The following TBC1D9 variants were observed in gnomAD, a reference collection of about 807,000 sequenced individuals.
TBC1D9 encodes TBC1 domain family member 9A.
A neutral mutation model predicts 132.0 loss-of-function variants in TBC1D9; 63 were observed. The ratio of observed to expected loss-of-function variants is 0.48; its 90% CI spans 0.39 to 0.59. TBC1D9 has a LOEUF of 0.59. Ranked by LOEUF, TBC1D9 falls within the 20% of genes least tolerant of loss-of-function variation. TBC1D9 has a pLI of 0.00. For synonymous variants in TBC1D9, 610 were observed against 609.9 expected (o/e 1.00, Z 0.00); for missense variants, 1,261 against 1,592.7 (o/e 0.79, Z 3.54).
intron 1 of TBC1D9, among the ~76,000 whole-genome samples, chr4:140,717,829 C>T (rs1002479414): frequency 4.6e-5 from 7 of 152,208 alleles, no homozygotes; most frequent in African/African-American, 1.7e-4. Context: ...CCATGGTATC[C>T]CCAGGAGCCC....
Position 140,669,748 on chromosome 4 carries a change from A to C in TBC1D9, c.1323T>G (p.Ser441=). The C allele has an allele frequency of 1.9e-6, 3 of 1,613,986 alleles. No homozygotes were observed. The highest frequency in any genetic ancestry group is 2.5e-6 in the Non-Finnish European group (3 of 1,179,880). The change falls in exon 8 of 21, where the codon TCT becomes TCG. Residue 441 remains serine, a synonymous_variant. Transcript: ENST00000442267. The stretch of plus-strand genomic sequence containing the variant: ...TAAACTGGCGCTCTCCATCAGCATC[A>C]GAGCTCGTGCTTCTCTGGGGGCTGG... The part of the protein sequence containing the change: ...VSSSPQRSTS[S]DADGERQFNL...
intron 1 of TBC1D9, among the ~76,000 whole-genome samples, chr4:140,732,825 G>A (rs1251053963): frequency 6.6e-6 from 1 of 152,114 alleles, no homozygotes; most frequent in Non-Finnish European, 1.5e-5. Flanking sequence ...GATGCTTAAT[G>A]AATATCAGGA....
At chr4:140,675,185 C>T (rs1737604578) in intron 6 of TBC1D9, among the ~76,000 whole-genome samples, 1 of 152,078 alleles carries the variant, frequency 6.6e-6, no homozygotes, top group African/African-American at 2.4e-5. Context: ...TAACAGTGGT[C>T]CTCTCTGAAC....
intron 13 of TBC1D9, among the ~76,000 whole-genome samples, chr4:140,651,237 G>C (rs747214744): frequency 2.6e-5 from 4 of 152,216 alleles, no homozygotes; most frequent in Non-Finnish European, 5.9e-5. Context: ...GGGAGGCCAA[G>C]GCGGGCAGAT....
chr4:140,650,270 T>C (rs1737168676), intron 13 of TBC1D9, among the ~76,000 whole-genome samples: 1 of 152,250 alleles, frequency 6.6e-6, no homozygotes, highest in Non-Finnish European at 1.5e-5. Context: ...ATGAATATTG[T>C]TTGGCCCAGG....
intron 1 of TBC1D9, among the ~76,000 whole-genome samples, chr4:140,755,695 C>G (rs901396359): frequency 6.6e-6 from 1 of 152,186 alleles, no homozygotes; most frequent in South Asian, 2.1e-4. Context: ...ACTTAAAGAG[C>G]GCTCAGTACG....
intron 1 of TBC1D9, among the ~76,000 whole-genome samples, chr4:140,744,786 G>C (rs1229498525): frequency 6.7e-6 from 1 of 149,988 alleles, no homozygotes; most frequent in Non-Finnish European, 1.5e-5. Flanking sequence ...CAAAGGCTGA[G>C]ACAGGAGAAT....
At position 140,713,834 on chromosome 4, in the gene TBC1D9, C is replaced by T. The variant is rs568780008; in HGVS notation, c.131-12220G>A. On this transcript the variant is annotated intron_variant, in intron 1 of 20. Coordinates refer to ENST00000442267, the MANE Select transcript of TBC1D9 (RefSeq NM_015130.3). ...AAACATTGTACTTTTATAATTTGTA[C>T]AATGTACATGTATTATAATCAAATA... Among the ~76,000 whole-genome samples, 4 of 151,774 alleles carry T rather than the reference C, an allele frequency of 2.6e-5. No homozygotes were observed. The East Asian group carries it at 7.7e-4, about 29-fold the overall frequency.
intron 1 of TBC1D9, among the ~76,000 whole-genome samples, chr4:140,730,854 T>C (rs1380442980): frequency 6.6e-6 from 1 of 152,204 alleles, no homozygotes; most frequent in Non-Finnish European, 1.5e-5. Flanking sequence ...CACGAGTACT[T>C]GCACTCTAAA....
intron 3 of TBC1D9, among the ~76,000 whole-genome samples, chr4:140,682,034 T>A (rs1033943308): frequency 5.9e-5 from 9 of 152,208 alleles, no homozygotes; most frequent in Admixed American, 3.3e-4. Context: ...CTAAAAGATG[T>A]TCAATATTAC....
intron 1 of TBC1D9, among the ~76,000 whole-genome samples, chr4:140,736,386 C>G (rs968260836): frequency 3.9e-5 from 6 of 151,954 alleles, no homozygotes; most frequent in African/African-American, 1.5e-4. Flanking sequence ...ACTAAAAATA[C>G]AAAAATTAGC....
At chr4:140,623,054 G>T in intron 20 of TBC1D9, 137 bp from the exon 21 acceptor site, 2 of 1,045,074 alleles carry the variant, frequency 1.9e-6, no homozygotes, top group Non-Finnish European at 1.3e-6. Flanking sequence ...GGATGGACAT[G>T]TTTAAAGTCT....
At chr4:140,707,537 G>A (rs1578849697) in intron 1 of TBC1D9, among the ~76,000 whole-genome samples, 1 of 152,286 alleles carries the variant, frequency 6.6e-6, no homozygotes, top group East Asian at 1.9e-4. Flanking sequence ...TAGGCCACCT[G>A]CTGCCACCTG....
At chr4:140,679,986 C>A in intron 3 of TBC1D9, 143 bp from the exon 4 acceptor site, 1 of 585,002 alleles carries the variant, frequency 1.7e-6, no homozygotes, top group South Asian at 2.7e-5. Flanking sequence ...AAATTCTAAG[C>A]CAATTATTGA....
At position 140,657,729 on chromosome 4, in the gene TBC1D9, C is replaced by T. The variant is rs371247680; in HGVS notation, c.2005G>A (p.Val669Met). ...QLYDCMQDLG[V>M]ISTISLSWFL... ...CAAGACAGGGAGATGGTGGAAATCACGCCCAGGTCTTGCATGCAGTCGTAC... is the reference window on the plus strand; with the variant it reads ...CAAGACAGGGAGATGGTGGAAATCATGCCCAGGTCTTGCATGCAGTCGTAC... Residue 669 changes from valine to methionine, a missense_variant, in exon 12 of 21, where the codon GTG becomes ATG. Physicochemically the swap from Val to Met is conservative, Grantham distance 21. Around this residue, in one of 3 missense-constraint regions of TBC1D9, gnomAD observed 93 missense variants for 169.2 expected, o/e 0.55. Coordinates refer to ENST00000442267, the MANE Select transcript of TBC1D9 (RefSeq NM_015130.3). 1.7e-5 allele frequency: 27 copies of T among 1,613,880 alleles called. No homozygotes were observed. The highest frequency in any genetic ancestry group is 1.6e-4 in the Middle Eastern group (1 of 6,084).
chr4:140,661,040 G>T (rs534621553), intron 10 of TBC1D9, among the ~76,000 whole-genome samples: 2 of 152,042 alleles, frequency 1.3e-5, no homozygotes, highest in South Asian at 4.2e-4. Context: ...TCAGCCTCCC[G>T]AGTAGCTGGG....
chr4:140,628,086 T>C (rs1366854256), intron 17 of TBC1D9, among the ~76,000 whole-genome samples: 1 of 152,214 alleles, frequency 6.6e-6, no homozygotes, highest in African/African-American at 2.4e-5. Context: ...TCTTTTCTGT[T>C]ACCACAACTC....
In TBC1D9 at chr4:140,620,918, T is replaced by A. The variant is rs981441278; in HGVS notation, c.*1277A>T. 3 of 152,634 alleles carry A rather than the reference T, an allele frequency of 2.0e-5. No homozygotes were observed. Among genetic ancestry groups the A allele is most frequent in the Non-Finnish European group, 4.4e-5 (3 of 67,978 alleles). 9.5% of individuals were successfully genotyped at this position (152,634 alleles called of 1,614,324 possible). ...CAATAGCTAAAAAAAGGACACAATG[T>A]ATAATAAAATAAAGGAATGTGTTGA... On this transcript the variant is annotated 3_prime_UTR_variant, in exon 21 of 21. Coordinates refer to ENST00000442267, the MANE Select transcript of TBC1D9 (RefSeq NM_015130.3).
chr4:140,739,536 C>T (rs1738726778), intron 1 of TBC1D9, among the ~76,000 whole-genome samples: 1 of 152,132 alleles, frequency 6.6e-6, no homozygotes, highest in African/African-American at 2.4e-5. Flanking sequence ...ATCTAACCTA[C>T]AAGGTTATTA....
Sources: allele counts gnomAD v4.1 joint callset (sites outside exome capture counted in the v4.1 genomes callset), GRCh38; gene constraint gnomAD v4.1.1; regional missense constraint gnomAD v4.1.1; transcripts MANE v1.5; gene names NCBI Gene and HGNC (gene_info 2026-07-23, HGNC 2026-07-21).